DLGAP2: variants seen among roughly 807,000 people sequenced by gnomAD.
DLGAP2 encodes disks large-associated protein 2.
DLGAP2 carries 26 observed loss-of-function variants against 100.3 expected under a neutral mutation model. That is an observed-to-expected ratio of 0.26 (90% CI 0.19 to 0.36). The LOEUF (loss-of-function observed/expected upper bound fraction) is 0.36. Ranked by LOEUF, DLGAP2 falls within the 10% of genes least tolerant of loss-of-function variation. The pLI, the probability that DLGAP2 is intolerant of heterozygous loss-of-function variation, is 1.00. For synonymous variants in DLGAP2, 886 were observed against 630.1 expected (o/e 1.41, Z -6.08); for missense variants, 1,858 against 1,453.2 (o/e 1.28, Z -4.53).
chr8:1,000,354 C>G (rs71516132), intron 2 of DLGAP2, among the ~76,000 whole-genome samples: 2 of 130,420 alleles, frequency 1.5e-5, no homozygotes, highest in Non-Finnish European at 3.2e-5. Flanking sequence ...GGTTTTCTTT[C>G]GCACTGGATT....
chr8:1,366,646 G>A (rs1223526641), intron 3 of DLGAP2, among the ~76,000 whole-genome samples: 1 of 152,132 alleles, frequency 6.6e-6, no homozygotes, highest in African/African-American at 2.4e-5. Context: ...GTGGAGAGGT[G>A]GCAGAATTCA....
chr8:1,462,226 G>A (rs114922252), intron 3 of DLGAP2, among the ~76,000 whole-genome samples: 19 of 80,084 alleles, frequency 2.4e-4, no homozygotes, highest in African/African-American at 9.1e-4. Context: ...GGAGAAGGGT[G>A]GCGTTCAGGT....
chr8:1,348,542 G>C lies in DLGAP2; in HGVS notation c.106+89659G>C, dbSNP rs918716349. Among the ~76,000 whole-genome samples, 15 of 150,494 alleles carry C rather than the reference G, an allele frequency of 1.0e-4. 1 individual carries two copies. Among genetic ancestry groups the C allele is most frequent in the Admixed American group, 2.6e-4 (4 of 15,104 alleles). ...TGTTTGGAGATTGAGTTCCCACATA[G>C]AGCTGCATTGCACTCGTGGTAGCTA... On this transcript the variant is annotated intron_variant, in intron 3 of 14. Coordinates refer to ENST00000637795, the MANE Select transcript of DLGAP2 (RefSeq NM_001346810.2).
chr8:1,568,914 A>C lies in DLGAP2; in HGVS notation c.1442+3020A>C, dbSNP rs557841755. ...GCCTGCGGCCCCCATGCCACTGCCC[A>C]CTCAGCAGACACAAATCCACTCTGC... On this transcript the variant is annotated intron_variant, in intron 6 of 14. Transcript: ENST00000637795. Among the ~76,000 whole-genome samples the C allele has an allele frequency of 1.3e-4, 12 of 91,330 alleles. 2 individuals are homozygous for C. The highest frequency in any genetic ancestry group is 3.9e-4 in the African/African-American group (9 of 23,190). 59.9% of individuals were successfully genotyped at this position (91,330 alleles called of 152,430 possible).
At chr8:1,588,224 G>A (rs1212549812) in intron 6 of DLGAP2, among the ~76,000 whole-genome samples, 1 of 152,030 alleles carries the variant, frequency 6.6e-6, no homozygotes, top group African/African-American at 2.4e-5. Flanking sequence ...TTCATGCAAG[G>A]CTTTCTGTTC....
chr8:755,960 G>A (rs1820908739), intron 1 of DLGAP2, among the ~76,000 whole-genome samples: 1 of 152,210 alleles, frequency 6.6e-6, no homozygotes, highest in South Asian at 2.1e-4. Flanking sequence ...GGGATCCAGG[G>A]TCATCCTAGT....
At chr8:869,808 G>T (rs1797563966) in intron 1 of DLGAP2, among the ~76,000 whole-genome samples, 2 of 152,136 alleles carry the variant, frequency 1.3e-5, no homozygotes, top group Non-Finnish European at 2.9e-5. Flanking sequence ...GGTGACGAGT[G>T]GGCGGGCCTG....
intron 2 of DLGAP2, among the ~76,000 whole-genome samples, chr8:1,158,280 T>C (rs1205554827): frequency 6.6e-6 from 1 of 152,222 alleles, no homozygotes; most frequent in Non-Finnish European, 1.5e-5. Flanking sequence ...TATGGTGCAT[T>C]ATACTGAGGA....
chr8:1,443,062 C>G (rs922391525), intron 3 of DLGAP2, among the ~76,000 whole-genome samples: 8 of 152,008 alleles, frequency 5.3e-5, no homozygotes, highest in Non-Finnish European at 1.0e-4. Flanking sequence ...GTTAGACAAC[C>G]CTTAGTTACA....
At chr8:1,349,364 C>G (rs1334717571) in intron 3 of DLGAP2, among the ~76,000 whole-genome samples, 1 of 134,306 alleles carries the variant, frequency 7.4e-6, no homozygotes. Context: ...TATCGTGAGC[C>G]TCGTGCCCAC....
intron 2 of DLGAP2, among the ~76,000 whole-genome samples, chr8:1,089,260 C>A (rs1374389577): frequency 6.6e-6 from 1 of 152,258 alleles, no homozygotes; most frequent in East Asian, 1.9e-4. Flanking sequence ...ATCTCTTAGG[C>A]CTGCACAGGC....
chr8:1,001,892 G>C (rs1270876586), intron 2 of DLGAP2, among the ~76,000 whole-genome samples: 1 of 152,176 alleles, frequency 6.6e-6, no homozygotes, highest in Non-Finnish European at 1.5e-5. Context: ...GCTCAAGAAA[G>C]GGCTTGGTTT....
chr8:958,636 C>G (rs1209211998), intron 2 of DLGAP2, among the ~76,000 whole-genome samples: 4 of 147,180 alleles, frequency 2.7e-5, no homozygotes, highest in African/African-American at 1.0e-4. Context: ...ATGGGAAAGA[C>G]CCAAGAAAAA....
chr8:1,475,918 A>G (rs545844872), intron 3 of DLGAP2, among the ~76,000 whole-genome samples: 1 of 152,286 alleles, frequency 6.6e-6, no homozygotes, highest in Admixed American at 6.5e-5. Context: ...CTAGGATTTC[A>G]TTAAAATGTC....
intron 2 of DLGAP2, among the ~76,000 whole-genome samples, chr8:915,030 C>T (rs182836353): frequency 6.6e-6 from 1 of 152,332 alleles, no homozygotes; most frequent in Admixed American, 6.5e-5. Context: ...GTGTAACTAT[C>T]GACACAGGGC....
In DLGAP2 at chr8:1,542,429, A is replaced by G. The variant is rs117004075; in HGVS notation, c.173-6197A>G. Among the ~76,000 whole-genome samples, 414 of 152,346 alleles carry G rather than the reference A, an allele frequency of 2.7e-3. 1 individual carries two copies. Among genetic ancestry groups the G allele is most frequent in the Non-Finnish European group, 4.2e-3 (285 of 68,036 alleles). On this transcript the variant is annotated intron_variant, in intron 4 of 14. Transcript: ENST00000637795. ...TCACCTACCCTGATGCTGGGAATCA[A>G]CAATCTGTTTTCCATTTTGAGATCT...
intron 2 of DLGAP2, among the ~76,000 whole-genome samples, chr8:1,031,240 C>T (rs1292404268): frequency 1.3e-5 from 2 of 152,086 alleles, no homozygotes; most frequent in Non-Finnish European, 2.9e-5. Context: ...GAGGAGGGCT[C>T]CCGTTTCCTT....
At chr8:837,787 G>A (rs1297323848) in intron 1 of DLGAP2, among the ~76,000 whole-genome samples, 1 of 150,530 alleles carries the variant, frequency 6.6e-6, no homozygotes, top group Non-Finnish European at 1.5e-5. Context: ...TGCGATCTCA[G>A]CTCACTGCAA....
intron 2 of DLGAP2, among the ~76,000 whole-genome samples, chr8:1,197,164 G>C (rs999486848): frequency 2.0e-5 from 3 of 152,208 alleles, no homozygotes; most frequent in Non-Finnish European, 2.9e-5. Flanking sequence ...GGTCTCTTCT[G>C]GAAACGCCGT....
Sources: gnomAD v4.1 joint callset for allele counts (sites outside exome capture counted in the v4.1 genomes callset) on GRCh38, gnomAD v4.1.1 for gene constraint, MANE v1.5 for transcripts, NCBI Gene and HGNC (gene_info 2026-07-23, HGNC 2026-07-21) for gene names.